Variants in CFAP20DC observed in about 807,000 individuals in gnomAD.
CFAP20DC encodes protein CFAP20DC.
A neutral mutation model predicts 101.7 loss-of-function variants in CFAP20DC; 84 were observed. The observed-to-expected ratio is 0.83, with a 90% confidence interval of 0.69 to 0.99. The LOEUF (loss-of-function observed/expected upper bound fraction) is 0.99, where lower values mean the gene tolerates loss of function less well. Among genes scored for constraint, CFAP20DC ranks in the 50% least tolerant of loss-of-function variants. The pLI is 0.00. For synonymous variants in CFAP20DC, 359 were observed against 351.2 expected (o/e 1.02, Z -0.25); for missense variants, 1,007 against 970.3 (o/e 1.04, Z -0.50).
At chr3:58,975,543 A>AAAAAGCTTCT (rs2092229196) in intron 4 of CFAP20DC, among the ~76,000 whole-genome samples, 2 of 152,240 alleles carry the variant, frequency 1.3e-5, no homozygotes, top group South Asian at 4.1e-4. Flanking sequence ...TCTATACAGC[A>AAAAAGCTTCT]TAATCTTAGC....
intron 5 of CFAP20DC, among the ~76,000 whole-genome samples, chr3:58,931,108 C>A (rs1350680959): frequency 6.6e-6 from 1 of 152,172 alleles, no homozygotes. Context: ...AACGGCGCAC[C>A]AGGAGATTAT....
chr3:58,935,917 A>G (rs2087514809), intron 5 of CFAP20DC, among the ~76,000 whole-genome samples: 1 of 151,950 alleles, frequency 6.6e-6, no homozygotes, highest in African/African-American at 2.4e-5. Flanking sequence ...GCCAAAATTG[A>G]CAAATTGGAT....
chr3:59,005,764 CT>C (rs1355711330), intron 4 of CFAP20DC, among the ~76,000 whole-genome samples: 1 of 152,034 alleles, frequency 6.6e-6, no homozygotes, highest in Non-Finnish European at 1.5e-5. Flanking sequence ...TCTTAGTCTT[CT>C]TTGGTGGTCG....
intron 14 of CFAP20DC, among the ~76,000 whole-genome samples, chr3:58,823,390 C>A (rs1396728348): frequency 6.6e-6 from 1 of 152,086 alleles, no homozygotes; most frequent in Admixed American, 6.6e-5. Context: ...TAGAGAATAT[C>A]GTAAGTAGAT....
chr3:58,786,207 A>G (rs561102722), intron 15 of CFAP20DC, among the ~76,000 whole-genome samples: 1 of 152,266 alleles, frequency 6.6e-6, no homozygotes, highest in African/African-American at 2.4e-5. Context: ...GTAGAAAATT[A>G]TATTTCCTCC....
chr3:59,046,195 A>C, intron 3 of CFAP20DC, 34 bp downstream of exon 3: 1 of 1,390,390 alleles, frequency 7.2e-7, no homozygotes, highest in Non-Finnish European at 9.8e-7. Flanking sequence ...TTGAGTACAA[A>C]ATGTTAAGTT....
downstream of CFAP20DC, among the ~76,000 whole-genome samples, chr3:58,740,414 A>G (rs2067854970): frequency 6.6e-6 from 1 of 152,140 alleles, no homozygotes; most frequent in African/African-American, 2.4e-5. The surrounding 1 kb of genome is among the most constrained non-coding windows in gnomAD (Gnocchi z 4.6). Context: ...GGCAGAAAAA[A>G]GTGGTGCTGT....
At chr3:58,932,037 C>A (rs989921688) in intron 5 of CFAP20DC, among the ~76,000 whole-genome samples, 8 of 152,144 alleles carry the variant, frequency 5.3e-5, no homozygotes, top group East Asian at 1.9e-4. Context: ...AAAATTTAGA[C>A]GAATGTATAA....
At chr3:58,847,654 A>AGG (rs2077797281) in intron 13 of CFAP20DC, among the ~76,000 whole-genome samples, 1 of 149,908 alleles carries the variant, frequency 6.7e-6, no homozygotes, top group Non-Finnish European at 1.5e-5. Context: ...TGACCCAGCC[A>AGG]TCCCATTACT....
chr3:58,905,394 G>A (rs1057070982), intron 6 of CFAP20DC, among the ~76,000 whole-genome samples: 1 of 152,092 alleles, frequency 6.6e-6, no homozygotes, highest in Admixed American at 6.6e-5. Flanking sequence ...CAATAATTCA[G>A]TCATAGAAAT....
At chr3:58,939,559 C>T (rs193172854) in intron 4 of CFAP20DC, among the ~76,000 whole-genome samples, 133 of 150,800 alleles carry the variant, frequency 8.8e-4, no homozygotes, top group African/African-American at 2.9e-3. Flanking sequence ...CCCGGGTTCA[C>T]GCCATTCTCC....
intron 4 of CFAP20DC, among the ~76,000 whole-genome samples, chr3:59,004,990 T>A (rs1294207073): frequency 6.6e-6 from 1 of 152,190 alleles, no homozygotes; most frequent in Non-Finnish European, 1.5e-5. Flanking sequence ...TACCCCTTAC[T>A]CTATCCATAC....
intron 3 of CFAP20DC, among the ~76,000 whole-genome samples, chr3:58,719,159 C>T (rs13314015): frequency 0.057 from 8,596 of 152,118 alleles, 275 homozygotes; most frequent in African/African-American, 0.08. Flanking sequence ...AGGAGGATTG[C>T]TTAAGCTGGG....
chr3:58,893,505 C>T (rs112624285), intron 6 of CFAP20DC, among the ~76,000 whole-genome samples: 5 of 152,288 alleles, frequency 3.3e-5, no homozygotes, highest in African/African-American at 1.2e-4. Context: ...TTGCAGTGGA[C>T]AAGCTTTTTG....
At chr3:58,797,684 C>T (rs1275957315) in intron 15 of CFAP20DC, among the ~76,000 whole-genome samples, 1 of 152,172 alleles carries the variant, frequency 6.6e-6, no homozygotes, top group Non-Finnish European at 1.5e-5. Flanking sequence ...AAGAAGATGA[C>T]ATCTAGGACT....
At chr3:58,751,209 G>C (rs546662516) in intron 16 of CFAP20DC, among the ~76,000 whole-genome samples, 3 of 152,098 alleles carry the variant, frequency 2.0e-5, no homozygotes, top group Non-Finnish European at 2.9e-5. Context: ...AAACTCAGAG[G>C]CTACTTAGGA....
intron 3 of CFAP20DC, among the ~76,000 whole-genome samples, chr3:58,733,302 A>G (rs2067682435): frequency 6.6e-6 from 1 of 152,214 alleles, no homozygotes. Context: ...ACTGCACTCC[A>G]GCCTGGGTGA....
At chr3:58,873,142 G>A (rs971420967) in intron 7 of CFAP20DC, among the ~76,000 whole-genome samples, 2 of 150,468 alleles carry the variant, frequency 1.3e-5, no homozygotes, top group Non-Finnish European at 3.0e-5. Flanking sequence ...TCAAGCAGAA[G>A]TCTGGATAGC....
At chr3:59,010,353 G>A (rs1461403461) in intron 4 of CFAP20DC, among the ~76,000 whole-genome samples, 7 of 152,020 alleles carry the variant, frequency 4.6e-5, no homozygotes, top group African/African-American at 1.7e-4. Flanking sequence ...TTTGGGTAAA[G>A]GTGTGGAAAG....
Sources: allele counts gnomAD v4.1 joint callset (sites outside exome capture counted in the v4.1 genomes callset), GRCh38; gene constraint gnomAD v4.1.1; non-coding constraint Gnocchi (gnomAD v3.1); transcripts MANE v1.5; gene names NCBI Gene and HGNC (gene_info 2026-07-23, HGNC 2026-07-21).